Variants in ADNP observed in about 807,000 individuals in gnomAD.
ADNP encodes activity dependent neuroprotector homeobox.
In ADNP, 4 loss-of-function variants were observed where a neutral mutation model predicts 84.9. That is an observed-to-expected ratio of 0.05 (90% CI 0.02 to 0.11). The LOEUF is 0.11. Among genes scored for constraint, ADNP ranks in the 10% least tolerant of loss-of-function variants. The pLI is 1.00. For missense variants in ADNP, 1,132 were observed against 1,326.0 expected (o/e 0.85, Z 2.27); for synonymous variants, 554 against 468.1 (o/e 1.18, Z -2.37).
intron 2 of ADNP, chr20:50,913,783 TGGA>T (rs1445655543): frequency 2.1e-5 from 10 of 466,452 alleles, no homozygotes; most frequent in African/African-American, 1.6e-4. Context: ...AGAGGGAAGC[TGGA>T]GGAGGTGAAG....
At chr20:50,915,287 G>A (rs1254030616) in intron 2 of ADNP, among the ~76,000 whole-genome samples, 1 of 152,042 alleles carries the variant, frequency 6.6e-6, no homozygotes, top group African/African-American at 2.4e-5. Context: ...TCTTCTTATA[G>A]CCAATAAGCC....
chr20:50,910,036 C>T (rs1020714932), intron 2 of ADNP, among the ~76,000 whole-genome samples: 5 of 152,138 alleles, frequency 3.3e-5, no homozygotes, highest in Non-Finnish European at 5.9e-5. Context: ...TTGTCACCCA[C>T]AACCAAAAGT....
At chr20:50,922,248 T>C (rs1600992608) in intron 2 of ADNP, among the ~76,000 whole-genome samples, 1 of 152,236 alleles carries the variant, frequency 6.6e-6, no homozygotes, top group East Asian at 1.9e-4. Context: ...GTTCTGACAC[T>C]GTCTACCTGG....
rs1231665450 is a variant in ADNP, at chr20:50,902,113, G to C, written c.109-4C>G. The C allele has an allele frequency of 6.3e-7, 1 of 1,585,448 alleles. No homozygotes were observed. The highest frequency in any genetic ancestry group is 1.1e-5 in the South Asian group (1 of 90,482). ...TAGGTTCAAATTGTTTAAAATCCTA[G>C]AAAACAGTGAAATAAGTTTACAAAA... On this transcript the variant is annotated splice_polypyrimidine_tract_variant and splice_region_variant and intron_variant, in intron 4 of 5. Transcript: ENST00000621696.
intron 2 of ADNP, among the ~76,000 whole-genome samples, chr20:50,906,903 T>C (rs966180331): frequency 1.3e-5 from 2 of 152,090 alleles, no homozygotes; most frequent in Non-Finnish European, 2.9e-5. Context: ...AAAAATGTTA[T>C]CTTGCTGTAG....
At position 50,930,818 on chromosome 20, in the gene ADNP, G is replaced by A. The variant is rs1013113007; in HGVS notation, c.-265+8C>T. 5.4e-5 allele frequency: 8 copies of A among 148,200 alleles called. 1 individual carries two copies. The highest frequency in any genetic ancestry group is 3.6e-4 in the South Asian group (2 of 5,618). 9.2% of individuals were successfully genotyped at this position (148,200 alleles called of 1,614,324 possible). On this transcript the variant is annotated splice_region_variant and intron_variant, in intron 1 of 5. Transcript: ENST00000621696. ...CCGCGGGTCCGCGCGCGGCGGCGCC[G>A]GGCTTACCTTGACTCGGCCTCGAGG...
At chr20:50,903,565 G>A (rs1037078306) in intron 4 of ADNP, among the ~76,000 whole-genome samples, 3 of 152,314 alleles carry the variant, frequency 2.0e-5, no homozygotes, top group South Asian at 4.1e-4. Context: ...CTTCATCTGT[G>A]AAGTGGAGAT....
At chr20:50,908,999 G>A (rs1420509368) in intron 2 of ADNP, among the ~76,000 whole-genome samples, 1 of 151,394 alleles carries the variant, frequency 6.6e-6, no homozygotes, top group Admixed American at 6.6e-5. Flanking sequence ...GCCAAAAATT[G>A]TCCCAGAGAT....
At chr20:50,918,064 A>AGTT (rs1363448483) in intron 2 of ADNP, among the ~76,000 whole-genome samples, 4 of 152,210 alleles carry the variant, frequency 2.6e-5, no homozygotes, top group Non-Finnish European at 5.9e-5. Context: ...AGAAAAGAGG[A>AGTT]GTTATTGTTT....
chr20:50,907,838 T>A (rs952599928), intron 2 of ADNP, among the ~76,000 whole-genome samples: 1 of 150,832 alleles, frequency 6.6e-6, no homozygotes, highest in Admixed American at 6.6e-5. Flanking sequence ...GCTCAAGTGA[T>A]CTGCTGGCTT....
Position 50,905,398 on chromosome 20 carries a change from C to A in ADNP, c.-89-549G>T, listed in dbSNP as rs1202835119. 1.3e-5 allele frequency: 2 copies of A among 152,124 alleles called. 1 individual carries two copies. Among genetic ancestry groups the A allele is most frequent in the South Asian group, 4.1e-4 (2 of 4,830 alleles). 9.4% of individuals were successfully genotyped at this position (152,124 alleles called of 1,614,324 possible). On this transcript the variant is annotated intron_variant, in intron 2 of 5. Coordinates refer to ENST00000621696, the MANE Select transcript of ADNP (RefSeq NM_001282531.3). ...GTTTTCTAATTAACAAAGGCTGTTA[C>A]TCTGTAATACCAATATCATCTGTAA...
rs769919198 is a variant in ADNP, at chr20:50,904,009, A to G, written c.-5-8T>C. On this transcript the variant is annotated splice_region_variant and splice_polypyrimidine_tract_variant and intron_variant, in intron 3 of 5. Coordinates refer to ENST00000621696, the MANE Select transcript of ADNP (RefSeq NM_001282531.3). Reference sequence around the variant, plus strand: ...GAAGTTGGAACATAGTTTCTATTGGAAAAAAAAATTTAAGTCAAAGTCAAA... The same window carrying G: ...GAAGTTGGAACATAGTTTCTATTGGGAAAAAAAATTTAAGTCAAAGTCAAA... The G allele has an allele frequency of 1.6e-5, 26 of 1,588,016 alleles. No homozygotes were observed. In the South Asian group the frequency reaches 2.2e-4, roughly 14 times the overall value.
intron 2 of ADNP, among the ~76,000 whole-genome samples, chr20:50,917,225 C>A (rs1304494645): frequency 6.6e-6 from 1 of 152,170 alleles, no homozygotes; most frequent in Non-Finnish European, 1.5e-5. Context: ...ACTTCAATAC[C>A]CAAGGTTGAA....
chr20:50,904,784 G>A lies in ADNP; in HGVS notation c.-24C>T, dbSNP rs1014407244. ...TGCTTACCAGTTCATCATCATTACA[G>A]TTTTGAGTGCCAGGGTAAAGAGGTT... On this transcript the variant is annotated 5_prime_UTR_variant, in exon 3 of 6. Coordinates refer to ENST00000621696, the MANE Select transcript of ADNP (RefSeq NM_001282531.3). The A allele has an allele frequency of 2.6e-5, 4 of 152,106 alleles. No homozygotes were observed. The highest frequency in any genetic ancestry group is 9.7e-5 in the African/African-American group (4 of 41,438). 9.4% of individuals were successfully genotyped at this position (152,106 alleles called of 1,614,324 possible).
chr20:50,925,425 G>C (rs1353626297), intron 2 of ADNP, among the ~76,000 whole-genome samples: 1 of 152,106 alleles, frequency 6.6e-6, no homozygotes, highest in Non-Finnish European at 1.5e-5. Context: ...CGCAAAGGTA[G>C]GTCATAACAT....
intron 2 of ADNP, among the ~76,000 whole-genome samples, chr20:50,908,793 TTATC>T (rs1456971991): frequency 2.0e-5 from 3 of 151,410 alleles, no homozygotes; most frequent in African/African-American, 7.3e-5. Context: ...AAAAAAAAAG[TTATC>T]TATTTGATTC....
intron 2 of ADNP, among the ~76,000 whole-genome samples, chr20:50,920,237 G>A (rs1983852043): frequency 7.2e-6 from 1 of 139,150 alleles, no homozygotes; most frequent in Non-Finnish European, 1.5e-5. Flanking sequence ...ACTCCAGCCT[G>A]GGCAACAGAG....
intron 5 of ADNP, among the ~76,000 whole-genome samples, chr20:50,899,383 G>A (rs780602698): frequency 2.6e-5 from 4 of 151,922 alleles, no homozygotes; most frequent in African/African-American, 9.7e-5. Flanking sequence ...GCGAATTTTC[G>A]TATTTTTAGT....
chr20:50,916,723 T>C (rs1983537586), intron 2 of ADNP, among the ~76,000 whole-genome samples: 2 of 152,200 alleles, frequency 1.3e-5, no homozygotes, highest in Non-Finnish European at 2.9e-5. Context: ...TTTAAAAATA[T>C]GCAGTGCCTT....
Sources: allele counts gnomAD v4.1 joint callset (sites outside exome capture counted in the v4.1 genomes callset), GRCh38; gene constraint gnomAD v4.1.1; transcripts MANE v1.5; gene names NCBI Gene and HGNC (gene_info 2026-07-23, HGNC 2026-07-21).